DAPK2: variants seen among roughly 807,000 people sequenced by gnomAD.
The protein encoded by DAPK2 is death-associated protein kinase 2.
Under a neutral mutation model 44.1 loss-of-function variants are expected in DAPK2, and 35 were observed. That is an observed-to-expected ratio of 0.79 (90% confidence interval 0.61 to 1.05). The LOEUF is 1.05. DAPK2 is among the 50% of genes least tolerant of loss of function. DAPK2 has a pLI of 0.00. For synonymous variants in DAPK2, 174 were observed against 182.6 expected (o/e 0.95, Z 0.38); for missense variants, 453 against 483.2 (o/e 0.94, Z 0.59).
intron 4 of DAPK2, among the ~76,000 whole-genome samples, chr15:63,933,309 T>A (rs59796993): frequency 0.046 from 6,940 of 152,310 alleles, 509 homozygotes; most frequent in African/African-American, 0.16. Flanking sequence ...AATGATGTGA[T>A]CTCGGCTCAT....
chr15:63,976,865 C>G (rs1208893549), intron 2 of DAPK2, among the ~76,000 whole-genome samples: 1 of 152,108 alleles, frequency 6.6e-6, no homozygotes, highest in Non-Finnish European at 1.5e-5. Flanking sequence ...TTTGTTTAGT[C>G]AGTGTGGCAA....
At chr15:63,962,301 C>T (rs932074250) in intron 3 of DAPK2, among the ~76,000 whole-genome samples, 2 of 152,190 alleles carry the variant, frequency 1.3e-5, no homozygotes, top group Non-Finnish European at 2.9e-5. Flanking sequence ...CCTCCTTTAG[C>T]TCAGAGAAGT....
At position 64,020,231 on chromosome 15, in the gene DAPK2, G is replaced by A. The variant is rs2079646137; in HGVS notation, c.92+19939C>T. Among the ~76,000 whole-genome samples the A allele has an allele frequency of 6.6e-6, 1 of 152,216 alleles. No individual in the cohort carries two copies. Among genetic ancestry groups the A allele is most frequent in the Non-Finnish European group, 1.5e-5 (1 of 68,036 alleles). ...AAACTGAGGACTTGCCTAAGCACAG[G>A]CAGCTCCAGAGCCAAAGCCAGGACC... is the stretch of plus-strand genomic sequence containing the variant. On this transcript the variant is annotated intron_variant, in intron 1 of 10. Coordinates refer to ENST00000261891, the Ensembl canonical transcript of DAPK2. The surrounding 1 kb of genome is among the most constrained non-coding windows in gnomAD (Gnocchi z 4.5).
At chr15:64,014,117 T>C (rs1276679797) in intron 1 of DAPK2, among the ~76,000 whole-genome samples, 1 of 152,202 alleles carries the variant, frequency 6.6e-6, no homozygotes, top group East Asian at 1.9e-4. Context: ...AACCTGATCC[T>C]TGGGAAATGG....
rs2078817187 is a variant in DAPK2, at chr15:63,912,251, C to A, written c.859-54G>T. ...GATGCTGGGCTTCAGACAGCAGCCA[C>A]CCTCCTCGCCGCAGAACTCCCCACC... On this transcript the variant is annotated intron_variant, in intron 8 of 10. Coordinates refer to ENST00000261891, the Ensembl canonical transcript of DAPK2. The surrounding 1 kb of genome is among the most constrained non-coding windows in gnomAD (Gnocchi z 4.4). The A allele has an allele frequency of 1.5e-5, 24 of 1,571,092 alleles. No homozygotes were observed. The Middle Eastern group carries it at 6.9e-4, about 45-fold the overall frequency.
intron 3 of DAPK2, among the ~76,000 whole-genome samples, chr15:63,968,253 T>C (rs1418436140): frequency 1.3e-5 from 2 of 152,236 alleles, no homozygotes; most frequent in Non-Finnish European, 2.9e-5. Context: ...CATCACTTCC[T>C]GAAGTTGCCC....
chr15:63,908,668 T>A lies in DAPK2; in HGVS notation c.1033-68A>T. 7.3e-7 allele frequency: 1 copy of A among 1,362,542 alleles called. No individual in the cohort carries two copies. The highest frequency in any genetic ancestry group is 9.8e-7 in the Non-Finnish European group (1 of 1,019,366). The allele number at this position is 1,362,542 out of a possible 1,614,324, so 84.4% of individuals were successfully genotyped here. A position where few individuals can be genotyped will look rare whatever the true frequency, so the allele number is the denominator to read the frequency against. On this transcript the variant is annotated intron_variant, in intron 10 of 10. Transcript: ENST00000261891. The surrounding 1 kb of genome is among the most constrained non-coding windows in gnomAD (Gnocchi z 5.7). Reference sequence around the variant, plus strand: ...TGAGACGCCAGGAATGGGGCTGTGCTGGGCAACCTGGGTTGATTCACCTGG... The same window carrying A: ...TGAGACGCCAGGAATGGGGCTGTGCAGGGCAACCTGGGTTGATTCACCTGG...
At chr15:63,997,011 C>G (rs986936310) in intron 1 of DAPK2, among the ~76,000 whole-genome samples, 4 of 152,154 alleles carry the variant, frequency 2.6e-5, no homozygotes, top group African/African-American at 9.7e-5. Flanking sequence ...GGAACAGGTC[C>G]AAGTCCTCTT....
chr15:64,042,238 G>A (rs947897994), upstream of DAPK2, among the ~76,000 whole-genome samples: 2 of 152,238 alleles, frequency 1.3e-5, no homozygotes, highest in Admixed American at 6.5e-5. This position sits in a 1 kb window ranked among gnomAD's most constrained non-coding sequence, Gnocchi z 4.7. Context: ...CCTCTAGCAA[G>A]TTTAGCTTGA....
upstream of DAPK2, among the ~76,000 whole-genome samples, chr15:64,041,715 A>G (rs972416907): frequency 1.3e-5 from 2 of 152,216 alleles, no homozygotes; most frequent in Admixed American, 1.3e-4. Context: ...GCACCATTAT[A>G]TAAGGGCACA....
At chr15:64,028,762 TAGACAGACAGAC>T (rs980805380) in intron 1 of DAPK2, among the ~76,000 whole-genome samples, 1 of 151,066 alleles carries the variant, frequency 6.6e-6, no homozygotes, top group South Asian at 2.1e-4. Flanking sequence ...GGTAGGCAGG[TAGACAGACAGAC>T]AGACAGACAG....
At chr15:63,911,816 A>G in intron 10 of DAPK2, 92 bp downstream of exon 11, 1 of 1,296,506 alleles carries the variant, frequency 7.7e-7, no homozygotes, top group East Asian at 2.5e-5. Flanking sequence ...GTGAACACCC[A>G]CCTGCCTTGT....
Position 64,003,010 on chromosome 15 carries a change from G to GTT in DAPK2, c.93-19257_93-19256insAA, listed in dbSNP as rs1555478491. Among the ~76,000 whole-genome samples, 28 of 140,554 alleles carry GTT rather than the reference G, an allele frequency of 2.0e-4. 1 individual carries two copies. The highest frequency in any genetic ancestry group is 4.2e-3 in the Middle Eastern group (1 of 240). 92.2% of individuals were successfully genotyped at this position (140,554 alleles called of 152,430 possible). On this transcript the variant is annotated intron_variant, in intron 1 of 10. Coordinates refer to ENST00000261891, the Ensembl canonical transcript of DAPK2. ...TGTGTGTGTGTGTGTGTGTGTGTGTGTGTGTCGTGGGACCAGAGGTGGTGG... is the reference window on the plus strand; with the variant it reads ...TGTGTGTGTGTGTGTGTGTGTGTGTGTTTGTGTCGTGGGACCAGAGGTGGTGG...
At chr15:63,985,824 T>A (rs968873186) in intron 1 of DAPK2, among the ~76,000 whole-genome samples, 2 of 152,228 alleles carry the variant, frequency 1.3e-5, no homozygotes. Flanking sequence ...CAGTGGCATT[T>A]TTTTTCTATA....
intron 1 of DAPK2, among the ~76,000 whole-genome samples, chr15:64,019,774 A>G (rs1284227019): frequency 6.6e-6 from 1 of 152,216 alleles, no homozygotes; most frequent in Admixed American, 6.5e-5. Context: ...GCAGCTGTTA[A>G]TTGCCCATGG....
At chr15:63,988,736 C>T (rs2078733943) in intron 1 of DAPK2, among the ~76,000 whole-genome samples, 2 of 151,836 alleles carry the variant, frequency 1.3e-5, no homozygotes. Flanking sequence ...GAACTCCTGA[C>T]CTCAAGTGAT....
At chr15:63,925,190 C>T (rs2079206398) in intron 7 of DAPK2, among the ~76,000 whole-genome samples, 1 of 152,124 alleles carries the variant, frequency 6.6e-6, no homozygotes, top group African/African-American at 2.4e-5. Flanking sequence ...TTGCTAAATC[C>T]CTGGTCTGTT....
chr15:63,965,608 C>A (rs1278675084), intron 3 of DAPK2, among the ~76,000 whole-genome samples: 1 of 152,190 alleles, frequency 6.6e-6, no homozygotes, highest in African/African-American at 2.4e-5. Context: ...GAGTTGGAAA[C>A]CTTGGGAATC....
chr15:63,929,647 T>TAAGG, intron 5 of DAPK2, 70 bp from the exon 7 acceptor site: 1 of 1,598,244 alleles, frequency 6.3e-7, no homozygotes, highest in Non-Finnish European at 8.6e-7. Context: ...GACACCCTCA[T>TAAGG]GGATCTAAGG....
Sources: gnomAD v4.1 joint callset for allele counts (sites outside exome capture counted in the v4.1 genomes callset) on GRCh38, gnomAD v4.1.1 for gene constraint, Gnocchi (gnomAD v3.1) non-coding constraint, MANE v1.5 for transcripts, NCBI Gene and HGNC (gene_info 2026-07-23, HGNC 2026-07-21) for gene names.